PRLR: variants seen among roughly 807,000 people sequenced by gnomAD.
PRLR encodes hPRL receptor.
Under a neutral mutation model 40.2 loss-of-function variants are expected in PRLR, and 13 were observed. That is an observed-to-expected ratio of 0.32 (90% CI 0.21 to 0.51). The LOEUF (loss-of-function observed/expected upper bound fraction) is 0.51. Ranked by LOEUF, PRLR falls within the 20% of genes least tolerant of loss-of-function variation. The probability of loss-of-function intolerance (pLI) is 0.97; values close to 1 mark genes in which losing one functional copy is unlikely to be tolerated. For synonymous variants in PRLR, 269 were observed against 278.7 expected, an observed-to-expected ratio of 0.97 and a Z score of 0.35; for missense variants, 656 against 747.3, an observed-to-expected ratio of 0.88 and a Z score of 1.42.
At chr5:35,199,260 C>CT (rs1416507153) in intron 1 of PRLR, among the ~76,000 whole-genome samples, 3 of 152,120 alleles carry the variant, frequency 2.0e-5, no homozygotes, top group Non-Finnish European at 4.4e-5. Context: ...GGCCCTAGTT[C>CT]TTTTCTCCCC....
At chr5:35,102,484 C>T (rs1365267342) in intron 2 of PRLR, among the ~76,000 whole-genome samples, 10 of 131,314 alleles carry the variant, frequency 7.6e-5, no homozygotes, top group African/African-American at 1.5e-4. Flanking sequence ...CCGTCCCGTC[C>T]CGTCTCCTCT....
intron 2 of PRLR, among the ~76,000 whole-genome samples, chr5:35,105,515 T>A (rs915904221): frequency 6.6e-6 from 1 of 151,952 alleles, no homozygotes; most frequent in East Asian, 1.9e-4. Flanking sequence ...GAATAAACAG[T>A]GTATAGAGAA....
intron 2 of PRLR, among the ~76,000 whole-genome samples, chr5:35,093,762 C>A (rs1162465595): frequency 1.3e-5 from 2 of 152,176 alleles, no homozygotes. Flanking sequence ...TAATGATGGA[C>A]CATATATATG....
At chr5:35,069,962 C>T (rs964586250) in intron 7 of PRLR, among the ~76,000 whole-genome samples, 162 bp downstream of exon 7, 1 of 152,246 alleles carries the variant, frequency 6.6e-6, no homozygotes, top group African/African-American at 2.4e-5. Flanking sequence ...GGGTGCAATG[C>T]TGCTTTTCAA....
intron 1 of PRLR, among the ~76,000 whole-genome samples, chr5:35,200,582 C>G (rs540263145): frequency 2.0e-5 from 3 of 152,282 alleles, no homozygotes; most frequent in African/African-American, 7.2e-5. Flanking sequence ...TTTTCTTAAC[C>G]AAGCTGTCCT....
rs1236279390 is a variant in PRLR at position 35,176,411 on chromosome 5, T to C, written c.-106+53857A>G. Among the ~76,000 whole-genome samples, 7 of 152,332 alleles carry C rather than the reference T, an allele frequency of 4.6e-5. 1 individual carries two copies. The highest frequency in any genetic ancestry group is 1.7e-4 in the African/African-American group (7 of 41,586). Reference sequence around the variant, plus strand: ...GTGGGGAAAAGCAAGAGAGATCAGATTGTTACTGTGTCTGTGTAGAAAGAA... The same window carrying C: ...GTGGGGAAAAGCAAGAGAGATCAGACTGTTACTGTGTCTGTGTAGAAAGAA... On this transcript the variant is annotated intron_variant, in intron 1 of 9. Coordinates refer to ENST00000618457, the MANE Select transcript of PRLR (RefSeq NM_000949.7).
intron 1 of PRLR, among the ~76,000 whole-genome samples, chr5:35,121,384 C>G (rs1773287168): frequency 6.6e-6 from 1 of 152,150 alleles, no homozygotes; most frequent in Non-Finnish European, 1.5e-5. Context: ...TGTGTCATAT[C>G]CATCCTTGCA....
chr5:35,123,126 T>C (rs912447907), intron 1 of PRLR, among the ~76,000 whole-genome samples: 8 of 152,164 alleles, frequency 5.3e-5, no homozygotes, highest in Non-Finnish European at 8.8e-5. Flanking sequence ...AGGTGAAGGA[T>C]AGGAATTGAC....
rs1306904179 is a variant in PRLR at position 35,059,189 on chromosome 5, G to C, written c.*5900C>G. The C allele has an allele frequency of 2.0e-5, 3 of 152,028 alleles. No homozygotes were observed. Among genetic ancestry groups the C allele is most frequent in the African/African-American group, 7.2e-5 (3 of 41,388 alleles). 9.4% of individuals were successfully genotyped at this position (152,028 alleles called of 1,614,324 possible). On this transcript the variant is annotated 3_prime_UTR_variant, in exon 10 of 10. Coordinates refer to ENST00000618457, the MANE Select transcript of PRLR (RefSeq NM_000949.7). The stretch of plus-strand genomic sequence containing the variant: ...ACTACTTCAGTTGCTGAAGGTTTTA[G>C]GGTTTTTTTCTTTTTAATCAGCAGC...
chr5:35,121,468 C>G (rs1773289920), intron 1 of PRLR, among the ~76,000 whole-genome samples: 1 of 152,044 alleles, frequency 6.6e-6, no homozygotes, highest in Non-Finnish European at 1.5e-5. Flanking sequence ...TTTTTGTCAG[C>G]CTGACTCTTT....
chr5:35,153,311 T>A (rs1774391053), intron 1 of PRLR, among the ~76,000 whole-genome samples: 1 of 152,218 alleles, frequency 6.6e-6, no homozygotes, highest in Non-Finnish European at 1.5e-5. Context: ...CTAGGTGAAG[T>A]CTTTACAATG....
At chr5:35,209,916 T>C (rs77655389) in intron 1 of PRLR, among the ~76,000 whole-genome samples, 2,578 of 152,228 alleles carry the variant, frequency 0.017, 33 homozygotes, top group Admixed American at 0.026. Context: ...GTAGCCTGAG[T>C]GGTTCTTTTA....
chr5:35,082,453 A>T (rs1248333891), intron 5 of PRLR, among the ~76,000 whole-genome samples: 1 of 152,098 alleles, frequency 6.6e-6, no homozygotes, highest in Non-Finnish European at 1.5e-5. Context: ...TTGGAGGGGG[A>T]TGTCCTATGC....
chr5:35,056,104 T>C lies in PRLR; in HGVS notation c.*8985A>G, dbSNP rs1389126977. ...ATCACATTCGTAAAAGTATCTGTGCTTCAAGTCAGTTTGTAAGTATCTGTT... is the reference window on the plus strand; with the variant it reads ...ATCACATTCGTAAAAGTATCTGTGCCTCAAGTCAGTTTGTAAGTATCTGTT... On this transcript the variant is annotated 3_prime_UTR_variant, in exon 10 of 10. Transcript: ENST00000618457. 1 of 152,182 alleles carries C rather than the reference T, an allele frequency of 6.6e-6. No individual in the cohort carries two copies. The highest frequency in any genetic ancestry group is 1.5e-5 in the Non-Finnish European group (1 of 68,030). 9.4% of individuals were successfully genotyped at this position (152,182 alleles called of 1,614,324 possible).
At chr5:35,138,207 A>T (rs1773915901) in intron 1 of PRLR, among the ~76,000 whole-genome samples, 1 of 152,234 alleles carries the variant, frequency 6.6e-6, no homozygotes, top group East Asian at 1.9e-4. Context: ...AGAATTCTTC[A>T]GTAAGAATGG....
chr5:35,140,672 T>C (rs1773996480), intron 1 of PRLR, among the ~76,000 whole-genome samples: 1 of 152,226 alleles, frequency 6.6e-6, no homozygotes, highest in African/African-American at 2.4e-5. Flanking sequence ...ATGACAACTG[T>C]ATACAGTAAC....
downstream of PRLR, among the ~76,000 whole-genome samples, chr5:35,053,794 G>C (rs185093898): frequency 6.6e-6 from 1 of 152,126 alleles, no homozygotes; most frequent in African/African-American, 2.4e-5. Context: ...TAGGAGACCC[G>C]ATAGGCTCAT....
At chr5:35,127,732 T>C (rs1175387528) in intron 1 of PRLR, among the ~76,000 whole-genome samples, 8 of 152,164 alleles carry the variant, frequency 5.3e-5, no homozygotes, top group Admixed American at 5.2e-4. Flanking sequence ...AACAATATCG[T>C]AAGTGAAAGA....
At chr5:35,068,153 T>G (rs2112383219) in intron 9 of PRLR, 63 bp downstream of exon 9, 1 of 1,401,976 alleles carries the variant, frequency 7.1e-7, no homozygotes, top group Non-Finnish European at 1.0e-6. Context: ...TGTGTGTGAG[T>G]GTGTAGAGTT....
Sources: allele counts gnomAD v4.1 joint callset (sites outside exome capture counted in the v4.1 genomes callset), GRCh38; gene constraint gnomAD v4.1.1; transcripts MANE v1.5; gene names NCBI Gene and HGNC (gene_info 2026-07-23, HGNC 2026-07-21).